Variants in STXBP5L observed in about 807,000 individuals in gnomAD.
STXBP5L encodes the protein syntaxin-binding protein 5-like.
A neutral mutation model predicts 144.5 loss-of-function variants in STXBP5L; 65 were observed. That is an observed-to-expected ratio of 0.45 (90% CI 0.37 to 0.55). The LOEUF is 0.55. Ranked by LOEUF, STXBP5L falls within the 20% of genes least tolerant of loss-of-function variation. The pLI, the probability that STXBP5L is intolerant of heterozygous loss-of-function variation, is 0.00. For synonymous variants in STXBP5L, 505 were observed against 469.6 expected, an observed-to-expected ratio of 1.08 and a Z score of -0.97; for missense variants, 1,298 against 1,405.5, an observed-to-expected ratio of 0.92 and a Z score of 1.22.
At chr3:121,092,997 G>A (rs1454386211) in intron 5 of STXBP5L, among the ~76,000 whole-genome samples, 2 of 152,178 alleles carry the variant, frequency 1.3e-5, no homozygotes, top group African/African-American at 2.4e-5. Context: ...GTTGAATTTT[G>A]TCAAAGGCCT....
At chr3:121,272,169 T>A (rs1372984595) in intron 18 of STXBP5L, among the ~76,000 whole-genome samples, 1 of 152,194 alleles carries the variant, frequency 6.6e-6, no homozygotes, top group African/African-American at 2.4e-5. Context: ...CAGGTCCAAT[T>A]TTCTTTACTG....
At chr3:120,988,113 C>T (rs1428213364) in intron 3 of STXBP5L, among the ~76,000 whole-genome samples, 1 of 143,202 alleles carries the variant, frequency 7.0e-6, no homozygotes, top group African/African-American at 2.5e-5. Context: ...TTGATTTTCT[C>T]TTTTTTTTTT....
At chr3:120,996,531 T>A (rs572511706) in intron 3 of STXBP5L, among the ~76,000 whole-genome samples, 53 of 152,216 alleles carry the variant, frequency 3.5e-4, no homozygotes, top group African/African-American at 1.1e-3. Context: ...GTAGCTATAG[T>A]CATCATGCTC....
At chr3:121,069,211 A>G (rs1403717994) in intron 5 of STXBP5L, among the ~76,000 whole-genome samples, 2 of 152,156 alleles carry the variant, frequency 1.3e-5, no homozygotes, top group African/African-American at 4.8e-5. Context: ...CCATATTTAT[A>G]ATTTTATAAC....
rs1317779562 is a variant in STXBP5L, at chr3:121,205,933, A to G, written c.888A>G (p.Gln296=). ...FQTTIPHGKS[Q]REGRKSESCK... ...ATTTTTTTTCTTTAGGAAAAAGTCA[A>G]AGAGAAGGAAGAAAATCTGAATCTT... Residue 296 remains glutamine (Q), a synonymous_variant, in exon 10 of 27, where the codon CAA becomes CAG. Transcript: ENST00000471454. 2 of 1,504,394 alleles carry G rather than the reference A, an allele frequency of 1.3e-6. No homozygotes were observed. The highest frequency in any genetic ancestry group is 1.8e-4 in the Middle Eastern group (1 of 5,574). The allele number at this position is 1,504,394 out of a possible 1,614,324, so 93.2% of individuals were successfully genotyped here. A position where few individuals can be genotyped will look rare whatever the true frequency, so the allele number is the denominator to read the frequency against.
rs571926165 is a variant in STXBP5L, at chr3:121,204,839, A to C, written c.878-1084A>C. 2.0e-4 allele frequency among the ~76,000 whole-genome samples: 31 copies of C among 152,314 alleles called. No homozygotes were observed. In the South Asian group the frequency reaches 6.0e-3, roughly 30 times the overall value. On this transcript the variant is annotated intron_variant, in intron 9 of 26. Transcript: ENST00000471454. ...GAAAGATAAGCATGTTATGTGCAGA[A>C]GTAGCTTCATTTCTATTTCCTTCTC...
chr3:121,062,227 A>G (rs2041318398), intron 5 of STXBP5L, among the ~76,000 whole-genome samples: 1 of 152,036 alleles, frequency 6.6e-6, no homozygotes, highest in Non-Finnish European at 1.5e-5. Context: ...TCTGTAAAGG[A>G]TTTTATTTCC....
intron 3 of STXBP5L, among the ~76,000 whole-genome samples, chr3:121,011,655 T>C (rs1944782406): frequency 6.6e-6 from 1 of 151,716 alleles, no homozygotes; most frequent in Non-Finnish European, 1.5e-5. Flanking sequence ...CCTGGTAATA[T>C]TCACTTTTAA....
At chr3:121,073,355 C>T (rs1307417889) in intron 5 of STXBP5L, among the ~76,000 whole-genome samples, 1 of 152,156 alleles carries the variant, frequency 6.6e-6, no homozygotes, top group Non-Finnish European at 1.5e-5. Flanking sequence ...AGTGATGCCC[C>T]CTCTGCTCCA....
chr3:121,121,681 GAT>G lies in STXBP5L; in HGVS notation c.648_649del (p.Asp216GlufsTer5). 6.2e-7 allele frequency: 1 copy of G among 1,602,768 alleles called. No individual in the cohort carries two copies. Among genetic ancestry groups the G allele is most frequent in the Non-Finnish European group, 8.5e-7 (1 of 1,171,908 alleles). ...THPGPVVHLS[D>X]SPRDEGKLLI... ...TCCAGGTCCAGTTGTACATTTAAGCGATAGCCCAAGAGATGAAGGCAAAGTGA... is the reference window on the plus strand; with the variant it reads ...TCCAGGTCCAGTTGTACATTTAAGCGAGCCCAAGAGATGAAGGCAAAGTGA... On this transcript the variant is annotated frameshift_variant, in exon 7 of 27. Transcript: ENST00000471454. LOFTEE classifies it high-confidence loss of function.
At chr3:121,102,951 A>T (rs1023310243) in intron 5 of STXBP5L, among the ~76,000 whole-genome samples, 6 of 152,082 alleles carry the variant, frequency 3.9e-5, no homozygotes, top group African/African-American at 1.4e-4. Context: ...ATGAAAAAAT[A>T]CCCCACATAA....
intron 3 of STXBP5L, among the ~76,000 whole-genome samples, chr3:121,020,454 A>G (rs898342676): frequency 6.6e-6 from 1 of 152,212 alleles, no homozygotes; most frequent in Non-Finnish European, 1.5e-5. Flanking sequence ...ACCTAGACAC[A>G]TAGTTATCGG....
chr3:121,003,338 G>T (rs971304323), intron 3 of STXBP5L, among the ~76,000 whole-genome samples: 2 of 152,234 alleles, frequency 1.3e-5, no homozygotes, highest in East Asian at 1.9e-4. Flanking sequence ...GTGTCTTTTG[G>T]CTGCATAAAT....
intron 9 of STXBP5L, among the ~76,000 whole-genome samples, chr3:121,171,870 GC>G (rs1201215982): frequency 1.3e-5 from 2 of 152,044 alleles, no homozygotes; most frequent in Non-Finnish European, 2.9e-5. Flanking sequence ...TCATATGGAA[GC>G]AAAAAAGAGC....
chr3:121,223,263 G>A (rs1559882092), intron 11 of STXBP5L, 106 bp downstream of exon 11: 8 of 1,156,936 alleles, frequency 6.9e-6, no homozygotes, highest in East Asian at 5.2e-5. Flanking sequence ...GTGGTATAAC[G>A]CTGTGAGCTA....
chr3:121,078,571 A>G (rs752231672), intron 5 of STXBP5L, among the ~76,000 whole-genome samples: 18 of 152,222 alleles, frequency 1.2e-4, no homozygotes, highest in Middle Eastern at 3.2e-3. Flanking sequence ...ACTGGGCACC[A>G]TGGAGCAGGG....
At chr3:121,053,479 C>G (rs577582804) in intron 5 of STXBP5L, among the ~76,000 whole-genome samples, 2 of 152,108 alleles carry the variant, frequency 1.3e-5, no homozygotes, top group African/African-American at 4.8e-5. Context: ...CTGACAAAAA[C>G]AAGAAATGGG....
At chr3:121,248,824 T>C (rs1443622665) in intron 14 of STXBP5L, among the ~76,000 whole-genome samples, 1 of 152,186 alleles carries the variant, frequency 6.6e-6, no homozygotes, top group Non-Finnish European at 1.5e-5. Flanking sequence ...TTTTTGTATA[T>C]GGTGAAAGGT....
At chr3:120,958,504 C>T (rs1048330792) in intron 3 of STXBP5L, among the ~76,000 whole-genome samples, 1 of 101,502 alleles carries the variant, frequency 9.9e-6, no homozygotes, top group Admixed American at 1.1e-4. Flanking sequence ...ATGCAAAAAT[C>T]CTCAATATAA....
Sources: gnomAD v4.1 joint callset for allele counts (sites outside exome capture counted in the v4.1 genomes callset) on GRCh38, gnomAD v4.1.1 for gene constraint, MANE v1.5 for transcripts, NCBI Gene and HGNC (gene_info 2026-07-23, HGNC 2026-07-21) for gene names.